ARHGEF11: variants seen among roughly 807,000 people sequenced by gnomAD.
ARHGEF11 encodes the protein Rho guanine exchange factor (GEF) 11.
Under a neutral mutation model 193.7 loss-of-function variants are expected in ARHGEF11, and 55 were observed. The observed-to-expected ratio is 0.28, with a 90% CI of 0.23 to 0.36. The LOEUF (loss-of-function observed/expected upper bound fraction) is 0.36, where lower values mean the gene tolerates loss of function less well. ARHGEF11 is among the 10% of genes least tolerant of loss of function. The pLI is 1.00. For missense variants in ARHGEF11, 1,723 were observed against 2,005.6 expected, an observed-to-expected ratio of 0.86 and a Z score of 2.69; for synonymous variants, 693 against 768.0, an observed-to-expected ratio of 0.90 and a Z score of 1.62.
chr1:156,946,307 C>T (rs1324977968), intron 28 of ARHGEF11, 145 bp from the exon 29 acceptor site: 3 of 691,376 alleles, frequency 4.3e-6, no homozygotes, highest in Non-Finnish European at 7.4e-6. Context: ...AAGCTTCTTC[C>T]TTAAAGATGT....
chr1:157,046,289 C>T (rs755882972), upstream of ARHGEF11, among the ~76,000 whole-genome samples: 28 of 151,346 alleles, frequency 1.9e-4, no homozygotes, highest in Non-Finnish European at 3.7e-4. Context: ...GGCTGCTTTT[C>T]CCCCTTTTAT....
At chr1:157,037,736 C>A (rs149827811) in intron 1 of ARHGEF11, among the ~76,000 whole-genome samples, 1,949 of 152,074 alleles carry the variant, frequency 0.013, 37 homozygotes, top group African/African-American at 0.044. Flanking sequence ...TCCCAACAAG[C>A]ATTTAGGCTT....
Position 156,942,444 on chromosome 1 carries a change from A to C in ARHGEF11, c.3326+246T>G, listed in dbSNP as rs149926391. On this transcript the variant is annotated intron_variant, in intron 33 of 40. Coordinates refer to ENST00000368194, the MANE Select transcript of ARHGEF11 (RefSeq NM_198236.3). Reference sequence around the variant, plus strand: ...GAAGGGAGTAGGGCAGGAAGGAAAGAAGCAGCAGCAGCGGCTGGAAGACTG... The same window carrying C: ...GAAGGGAGTAGGGCAGGAAGGAAAGCAGCAGCAGCAGCGGCTGGAAGACTG... Among the ~76,000 whole-genome samples, 649 of 152,312 alleles carry C rather than the reference A, an allele frequency of 4.3e-3. 1 individual carries two copies. The highest frequency in any genetic ancestry group is 0.012 in the African/African-American group (501 of 41,574).
At chr1:156,944,240 C>T (rs940650464) in intron 31 of ARHGEF11, 118 bp downstream of exon 31, 4 of 1,435,048 alleles carry the variant, frequency 2.8e-6, no homozygotes, top group South Asian at 1.3e-5. Context: ...TGATTATTCC[C>T]TTCCCATGTC....
intron 1 of ARHGEF11, among the ~76,000 whole-genome samples, chr1:157,013,259 T>TCACACACACACACACACACACACACACA (rs567488551): frequency 0.015 from 1,640 of 109,458 alleles, 178 homozygotes; most frequent in Middle Eastern, 0.026. Flanking sequence ...CTCCCCACTA[T>TCACACACACACACACACACACACACACA]CACTCACACA....
chr1:156,967,814 G>A, intron 11 of ARHGEF11, 173 bp downstream of exon 11: 1 of 785,386 alleles, frequency 1.3e-6, no homozygotes, highest in Non-Finnish European at 2.1e-6. Context: ...CTCTATTTAT[G>A]CCATGTTCTC....
chr1:157,022,720 C>T (rs1257950988), intron 1 of ARHGEF11, among the ~76,000 whole-genome samples: 1 of 152,060 alleles, frequency 6.6e-6, no homozygotes, highest in African/African-American at 2.4e-5. Context: ...CCATAATAGT[C>T]TTGAAAAAAA....
intron 1 of ARHGEF11, among the ~76,000 whole-genome samples, chr1:157,037,148 A>G (rs1672146918): frequency 1.3e-5 from 2 of 152,066 alleles, no homozygotes; most frequent in South Asian, 4.2e-4. Flanking sequence ...AAATAAATAA[A>G]TAAATTTGAT....
chr1:156,978,498 T>C (rs1663596323), intron 5 of ARHGEF11, 116 bp from the exon 6 acceptor site: 1 of 1,404,190 alleles, frequency 7.1e-7, no homozygotes, highest in Non-Finnish European at 9.3e-7. Context: ...ATTCTGTAGA[T>C]TAAGTTCTCC....
At chr1:157,007,290 G>A (rs1186893877) in intron 1 of ARHGEF11, among the ~76,000 whole-genome samples, 1 of 152,154 alleles carries the variant, frequency 6.6e-6, no homozygotes, top group Non-Finnish European at 1.5e-5. Flanking sequence ...ATGGTTATAT[G>A]GAAAGATGTG....
At chr1:157,034,511 C>T (rs923231694) in intron 1 of ARHGEF11, among the ~76,000 whole-genome samples, 9 of 152,324 alleles carry the variant, frequency 5.9e-5, no homozygotes, top group Admixed American at 2.0e-4. Context: ...CCAATGAGAA[C>T]GAGAGGAATT....
chr1:156,949,192 T>C, intron 22 of ARHGEF11: 9 of 824,706 alleles, frequency 1.1e-5, no homozygotes, highest in Non-Finnish European at 1.3e-5. Flanking sequence ...TTTTTACTGA[T>C]AGGCAGGACC....
At chr1:156,968,560 T>C (rs1249453240) in intron 10 of ARHGEF11, among the ~76,000 whole-genome samples, 2 of 152,204 alleles carry the variant, frequency 1.3e-5, no homozygotes, top group Non-Finnish European at 2.9e-5. Context: ...ACCGATCCTT[T>C]CACATATATT....
chr1:157,035,449 A>T (rs1238381369), intron 1 of ARHGEF11, among the ~76,000 whole-genome samples: 1 of 149,662 alleles, frequency 6.7e-6, no homozygotes, highest in Non-Finnish European at 1.5e-5. Context: ...CTTGTTGCCC[A>T]GGCTGGAGAG....
intron 1 of ARHGEF11, among the ~76,000 whole-genome samples, chr1:157,013,301 C>CACACACACACACACACACACA (rs1668799810): frequency 4.5e-5 from 1 of 22,094 alleles, no homozygotes; most frequent in African/African-American, 1.2e-4. Flanking sequence ...ACACACACAC[C>CACACACACACACACACACACA]AAGAACCTTC....
intron 1 of ARHGEF11, among the ~76,000 whole-genome samples, chr1:157,021,344 G>T (rs148625703): frequency 1.0e-3 from 156 of 152,286 alleles, no homozygotes; most frequent in Middle Eastern, 3.4e-3. Flanking sequence ...AAAGAAAGCA[G>T]AATCACAGGC....
intron 28 of ARHGEF11, 63 bp from the exon 29 acceptor site, chr1:156,946,225 T>G: frequency 7.1e-7 from 1 of 1,416,444 alleles, no homozygotes; most frequent in Non-Finnish European, 9.9e-7. Context: ...GCTTATGGGC[T>G]CAGGGCCAAG....
chr1:156,961,615 C>T, intron 14 of ARHGEF11, 62 bp downstream of exon 14: 3 of 1,467,658 alleles, frequency 2.0e-6, no homozygotes, highest in South Asian at 1.1e-5. Flanking sequence ...GCTTAATTTT[C>T]CCTGCCTCTG....
chr1:156,954,472 C>T (rs1192755479), intron 21 of ARHGEF11, among the ~76,000 whole-genome samples: 2 of 150,716 alleles, frequency 1.3e-5, no homozygotes, highest in Non-Finnish European at 3.0e-5. Flanking sequence ...GGGTTCCCCT[C>T]ACTTATACAG....
Sources: allele counts gnomAD v4.1 joint callset (sites outside exome capture counted in the v4.1 genomes callset), GRCh38; gene constraint gnomAD v4.1.1; transcripts MANE v1.5; gene names NCBI Gene and HGNC (gene_info 2026-07-23, HGNC 2026-07-21).